The following SULF1 variants were observed in gnomAD, a reference collection of about 807,000 sequenced individuals.
SULF1 encodes the protein sulfatase 1, also known as extracellular sulfatase Sulf-1.
In SULF1, 46 loss-of-function variants were observed where a neutral mutation model predicts 110.5. The ratio of observed to expected loss-of-function variants is 0.42; its 90% confidence interval spans 0.33 to 0.53. SULF1 has a LOEUF of 0.53. Ranked by LOEUF, SULF1 falls within the 20% of genes least tolerant of loss-of-function variation. SULF1 has a pLI of 0.12. For missense variants in SULF1, 941 were observed against 1,094.2 expected, an observed-to-expected ratio of 0.86 and a Z score of 1.98; for synonymous variants, 371 against 387.1, an observed-to-expected ratio of 0.96 and a Z score of 0.49.
intron 8 of SULF1, among the ~76,000 whole-genome samples, chr8:69,590,233 C>T (rs1326173306): frequency 6.6e-6 from 1 of 152,146 alleles, no homozygotes; most frequent in Non-Finnish European, 1.5e-5. Flanking sequence ...GCAATCTTGG[C>T]TCACTGCAAC....
chr8:69,624,779 A>G (rs1387906088), intron 15 of SULF1, among the ~76,000 whole-genome samples: 1 of 152,242 alleles, frequency 6.6e-6, no homozygotes. Context: ...TCAAGGGGAC[A>G]GGGAAGGCAG....
intron 3 of SULF1, among the ~76,000 whole-genome samples, chr8:69,556,557 C>T (rs1247035470): frequency 6.6e-6 from 1 of 152,142 alleles, no homozygotes; most frequent in African/African-American, 2.4e-5. Context: ...GTTATTGCAA[C>T]AAACTACTTC....
chr8:69,602,401 A>C (rs1807897740), intron 10 of SULF1, among the ~76,000 whole-genome samples: 1 of 152,212 alleles, frequency 6.6e-6, no homozygotes, highest in Admixed American at 6.5e-5. Flanking sequence ...CAATCATCTC[A>C]GGATGTTTTG....
intron 7 of SULF1, among the ~76,000 whole-genome samples, chr8:69,588,733 G>A (rs972662228): frequency 1.3e-5 from 2 of 152,098 alleles, no homozygotes; most frequent in Non-Finnish European, 2.9e-5. Flanking sequence ...GCTAAGTTGT[G>A]TATTACTTAA....
chr8:69,515,713 G>A (rs577677375), intron 3 of SULF1, among the ~76,000 whole-genome samples: 37 of 152,190 alleles, frequency 2.4e-4, no homozygotes, highest in South Asian at 6.2e-4. Context: ...TTATTTCTTC[G>A]TTTATGCAAA....
At chr8:69,558,566 T>A (rs1815266685) in intron 3 of SULF1, among the ~76,000 whole-genome samples, 1 of 152,192 alleles carries the variant, frequency 6.6e-6, no homozygotes, top group African/African-American at 2.4e-5. Flanking sequence ...AACACAGAAT[T>A]TTATCACTCA....
chr8:69,645,614 G>A (rs147277045), intron 22 of SULF1, among the ~76,000 whole-genome samples: 1 of 152,226 alleles, frequency 6.6e-6, no homozygotes, highest in Non-Finnish European at 1.5e-5. Context: ...ATCAAAGGAA[G>A]CTTTCCAAGG....
chr8:69,548,995 G>A (rs944711519), intron 3 of SULF1, among the ~76,000 whole-genome samples: 11 of 152,134 alleles, frequency 7.2e-5, no homozygotes, highest in African/African-American at 2.7e-4. Flanking sequence ...CCAGGAGAGC[G>A]GAACTTATAC....
intron 22 of SULF1, among the ~76,000 whole-genome samples, chr8:69,650,041 G>T (rs1248965479): frequency 4.9e-5 from 6 of 121,972 alleles, no homozygotes; most frequent in Admixed American, 2.2e-4. Context: ...TGTCACCCAG[G>T]CTGGAGTACA....
intron 22 of SULF1, among the ~76,000 whole-genome samples, chr8:69,642,070 T>C (rs1811521431): frequency 6.6e-6 from 1 of 152,214 alleles, no homozygotes; most frequent in Non-Finnish European, 1.5e-5. Flanking sequence ...CCCTAGTTAA[T>C]GTATCCACTT....
At chr8:69,558,877 C>T (rs1275571044) in intron 3 of SULF1, among the ~76,000 whole-genome samples, 1 of 152,024 alleles carries the variant, frequency 6.6e-6, no homozygotes. Flanking sequence ...ATATTTGATT[C>T]TTTTGAAAAT....
chr8:69,606,536 G>A (rs976791718), intron 13 of SULF1, among the ~76,000 whole-genome samples: 1 of 152,100 alleles, frequency 6.6e-6, no homozygotes, highest in African/African-American at 2.4e-5. Flanking sequence ...TACTCTTTTA[G>A]CTCTAAGAGG....
chr8:69,563,902 C>A lies in SULF1; in HGVS notation c.-60-14C>A. ...TTTTAGTCTCACCGTCTCCGTTTTT[C>A]TCTGACTGCCCAGAACTCCAGAAAT... On this transcript the variant is annotated splice_polypyrimidine_tract_variant and intron_variant, in intron 4 of 22. Transcript: ENST00000402687. The A allele has an allele frequency of 6.6e-7, 1 of 1,514,904 alleles. No homozygotes were observed. Among genetic ancestry groups the A allele is most frequent in the African/African-American group, 1.4e-5 (1 of 72,310 alleles). 93.8% of individuals were successfully genotyped at this position (1,514,904 alleles called of 1,614,324 possible).
intron 1 of SULF1, among the ~76,000 whole-genome samples, chr8:69,485,488 T>G (rs1809668408): frequency 6.6e-6 from 1 of 152,208 alleles, no homozygotes; most frequent in Non-Finnish European, 1.5e-5. Flanking sequence ...CTTGGCTGTC[T>G]GTCACCCTTG....
intron 5 of SULF1, among the ~76,000 whole-genome samples, chr8:69,572,129 A>G (rs944645983): frequency 6.6e-6 from 1 of 152,214 alleles, no homozygotes; most frequent in African/African-American, 2.4e-5. Flanking sequence ...AGGCGAGAAG[A>G]ATCAAAAGAT....
At chr8:69,539,820 A>G (rs537354422) in intron 3 of SULF1, among the ~76,000 whole-genome samples, 5 of 152,166 alleles carry the variant, frequency 3.3e-5, no homozygotes, top group Admixed American at 6.5e-5. Flanking sequence ...TTTTGGTGGA[A>G]GTGGAGTTGG....
intron 19 of SULF1, among the ~76,000 whole-genome samples, chr8:69,634,774 A>C (rs57681336): frequency 0.016 from 2,452 of 152,190 alleles, 63 homozygotes; most frequent in African/African-American, 0.056. Flanking sequence ...GGAGAGAATA[A>C]AAGTTTTAAG....
At chr8:69,580,776 A>G (rs1410546921) in intron 6 of SULF1, among the ~76,000 whole-genome samples, 1 of 152,184 alleles carries the variant, frequency 6.6e-6, no homozygotes, top group Non-Finnish European at 1.5e-5. Flanking sequence ...TATTTTTGTG[A>G]AGAATTCTTT....
intron 3 of SULF1, among the ~76,000 whole-genome samples, chr8:69,537,654 G>T (rs139994073): frequency 1.3e-5 from 2 of 152,176 alleles, no homozygotes; most frequent in African/African-American, 4.8e-5. Context: ...TACCACAAAG[G>T]GGGAAACAGC....
Sources: gnomAD v4.1 joint callset for allele counts (sites outside exome capture counted in the v4.1 genomes callset) on GRCh38, gnomAD v4.1.1 for gene constraint, MANE v1.5 for transcripts, NCBI Gene and HGNC (gene_info 2026-07-23, HGNC 2026-07-21) for gene names.